Variants in FIGN observed in about 807,000 individuals in gnomAD.
FIGN encodes fidgetin, microtubule severing factor.
A neutral mutation model predicts 51.3 loss-of-function variants in FIGN; 11 were observed. The observed-to-expected ratio is 0.21, with a 90% CI of 0.13 to 0.35. The LOEUF is 0.35. Ranked by LOEUF, FIGN falls within the 10% of genes least tolerant of loss-of-function variation. The pLI is 1.00. For missense variants in FIGN, 857 were observed against 943.6 expected (o/e 0.91, Z 1.20); for synonymous variants, 407 against 363.2 (o/e 1.12, Z -1.37).
intron 2 of FIGN, among the ~76,000 whole-genome samples, chr2:163,689,384 T>G (rs1184580266): frequency 6.6e-6 from 1 of 152,186 alleles, no homozygotes; most frequent in African/African-American, 2.4e-5. Context: ...TTGATCCATA[T>G]GTGGTTTAAC....
chr2:163,681,832 G>T (rs183654725), intron 2 of FIGN, among the ~76,000 whole-genome samples: 6 of 152,190 alleles, frequency 3.9e-5, no homozygotes, highest in Non-Finnish European at 8.8e-5. Flanking sequence ...GAGAATGCTA[G>T]AATGACTGCT....
intron 2 of FIGN, among the ~76,000 whole-genome samples, chr2:163,687,895 A>G (rs1427474460): frequency 6.6e-6 from 1 of 152,226 alleles, no homozygotes; most frequent in Non-Finnish European, 1.5e-5. Flanking sequence ...ACAAAGGACC[A>G]CAAAAAGGCA....
chr2:163,611,934 ACT>A, intron 2 of FIGN, 128 bp from the exon 3 acceptor site: 1 of 675,840 alleles, frequency 1.5e-6, no homozygotes, highest in East Asian at 2.7e-5. Flanking sequence ...AAAGATCTAC[ACT>A]GTTTATAATA....
At chr2:163,686,245 G>T (rs1274932359) in intron 2 of FIGN, among the ~76,000 whole-genome samples, 1 of 152,120 alleles carries the variant, frequency 6.6e-6, no homozygotes, top group Non-Finnish European at 1.5e-5. Context: ...ATAAAAGGAG[G>T]ATGAATTTTA....
chr2:163,632,546 C>T (rs1683161181), intron 2 of FIGN, among the ~76,000 whole-genome samples: 1 of 152,190 alleles, frequency 6.6e-6, no homozygotes, highest in South Asian at 2.1e-4. Context: ...CCTGGAGATC[C>T]CTGCATGGGC....
chr2:163,720,410 A>G (rs181084773), intron 2 of FIGN, among the ~76,000 whole-genome samples: 261 of 152,300 alleles, frequency 1.7e-3, no homozygotes, highest in Non-Finnish European at 2.8e-3. Flanking sequence ...TAAATGGTTT[A>G]TTTGTGATTA....
At chr2:163,727,153 A>C (rs1181203448) in intron 2 of FIGN, among the ~76,000 whole-genome samples, 2 of 152,122 alleles carry the variant, frequency 1.3e-5, no homozygotes, top group Non-Finnish European at 2.9e-5. Context: ...TCTTTTTGGC[A>C]CAACAATATA....
chr2:163,705,152 C>T (rs1331210448), intron 2 of FIGN, among the ~76,000 whole-genome samples: 1 of 152,094 alleles, frequency 6.6e-6, no homozygotes, highest in Non-Finnish European at 1.5e-5. Context: ...TGTAAAGAAA[C>T]ATGTGTTTAA....
intron 2 of FIGN, among the ~76,000 whole-genome samples, chr2:163,644,684 T>C (rs1220585624): frequency 2.0e-5 from 3 of 152,088 alleles, no homozygotes; most frequent in Non-Finnish European, 4.4e-5. Flanking sequence ...AACCCAAATA[T>C]TCATCAACCT....
At chr2:163,634,898 T>C (rs1683202327) in intron 2 of FIGN, among the ~76,000 whole-genome samples, 1 of 152,212 alleles carries the variant, frequency 6.6e-6, no homozygotes, top group African/African-American at 2.4e-5. Context: ...CTTTTTCATT[T>C]TATGTTCCCA....
intron 2 of FIGN, among the ~76,000 whole-genome samples, chr2:163,667,069 T>C (rs978634547): frequency 3.9e-5 from 6 of 152,284 alleles, no homozygotes; most frequent in African/African-American, 1.4e-4. Flanking sequence ...TTCTCTATTT[T>C]TGGTTAGTGT....
intron 2 of FIGN, among the ~76,000 whole-genome samples, chr2:163,635,630 T>C (rs1683212384): frequency 6.6e-6 from 1 of 152,158 alleles, no homozygotes. Flanking sequence ...ACATTGTAAG[T>C]AGGATTTAAA....
intron 2 of FIGN, among the ~76,000 whole-genome samples, chr2:163,613,787 C>T (rs1682820921): frequency 1.3e-5 from 2 of 152,130 alleles, no homozygotes. Context: ...GATTCATTTG[C>T]AAATATATTT....
chr2:163,715,571 C>T (rs1473284117), intron 2 of FIGN, among the ~76,000 whole-genome samples: 1 of 152,018 alleles, frequency 6.6e-6, no homozygotes, highest in Non-Finnish European at 1.5e-5. Flanking sequence ...CAGGTACATG[C>T]AAAAGTTAGG....
chr2:163,613,516 TA>T (rs974292770), intron 2 of FIGN, among the ~76,000 whole-genome samples: 26 of 152,160 alleles, frequency 1.7e-4, no homozygotes, highest in African/African-American at 6.3e-4. Flanking sequence ...AAACTGAACA[TA>T]ACACACAGTT....
intron 2 of FIGN, among the ~76,000 whole-genome samples, chr2:163,662,445 T>C (rs923260840): frequency 2.0e-5 from 3 of 152,190 alleles, no homozygotes; most frequent in African/African-American, 4.8e-5. Flanking sequence ...GAAAAACTCA[T>C]CTTTTGAGGA....
intron 2 of FIGN, among the ~76,000 whole-genome samples, chr2:163,624,708 A>ATT (rs34598500): frequency 0.018 from 2,630 of 145,448 alleles, 68 homozygotes; most frequent in African/African-American, 0.057. Flanking sequence ...ATATATATAT[A>ATT]TTTTTTTTTT....
rs773035519 is a variant in FIGN at position 163,604,103 on chromosome 2, T to C, written c.*5449A>G. The stretch of plus-strand genomic sequence containing the variant: ...GGCCCTTGCAACTGCATTGTTTTTC[T>C]TAATTTATATCAGGAGTCACAGAAT... On this transcript the variant is annotated 3_prime_UTR_variant, in exon 3 of 3. Coordinates refer to ENST00000333129, the MANE Select transcript of FIGN (RefSeq NM_018086.4). 2.0e-5 allele frequency: 3 copies of C among 152,132 alleles called. No homozygotes were observed. Among genetic ancestry groups the C allele is most frequent in the Non-Finnish European group, 2.9e-5 (2 of 67,986 alleles). The allele number at this position is 152,132 out of a possible 1,614,324, so 9.4% of individuals were successfully genotyped here.
intron 2 of FIGN, among the ~76,000 whole-genome samples, chr2:163,711,875 C>T (rs1244220470): frequency 6.6e-6 from 1 of 152,118 alleles, no homozygotes; most frequent in Non-Finnish European, 1.5e-5. Context: ...CTGATGCTAA[C>T]GCTCCTGGTT....
Sources: gnomAD v4.1 joint callset for allele counts (sites outside exome capture counted in the v4.1 genomes callset) on GRCh38, gnomAD v4.1.1 for gene constraint, MANE v1.5 for transcripts, NCBI Gene and HGNC (gene_info 2026-07-23, HGNC 2026-07-21) for gene names.